The following TMEM87B variants were observed in gnomAD, a reference collection of about 807,000 sequenced individuals.
TMEM87B encodes the protein transmembrane protein 87B.
A neutral mutation model predicts 80.3 loss-of-function variants in TMEM87B; 83 were observed. The ratio of observed to expected loss-of-function variants is 1.03; its 90% CI spans 0.87 to 1.24. The LOEUF is 1.24. Among genes scored for constraint, TMEM87B ranks in the 50% most tolerant of loss-of-function variants. The pLI is 0.00. For missense variants in TMEM87B, 625 were observed against 674.4 expected (o/e 0.93, Z 0.81); for synonymous variants, 219 against 230.5 (o/e 0.95, Z 0.45).
At chr2:112,098,769 T>C in intron 14 of TMEM87B, 71 bp downstream of exon 14, 1 of 1,428,274 alleles carries the variant, frequency 7.0e-7, no homozygotes, top group South Asian at 1.2e-5. Flanking sequence ...AGAACACGTT[T>C]ATAGAAACCA....
At chr2:112,057,315 C>G (rs150430287) in intron 1 of TMEM87B, among the ~76,000 whole-genome samples, 2 of 152,204 alleles carry the variant, frequency 1.3e-5, no homozygotes, top group Non-Finnish European at 2.9e-5. Flanking sequence ...GTTCTGTTAC[C>G]TAGGCTGGAG....
intron 17 of TMEM87B, among the ~76,000 whole-genome samples, chr2:112,110,881 G>A (rs577754816): frequency 4.6e-5 from 7 of 152,234 alleles, no homozygotes; most frequent in South Asian, 4.1e-4. Flanking sequence ...AGCCCCTTCC[G>A]TGTAGCAGGT....
At chr2:112,095,645 A>G (rs1191347481) in intron 11 of TMEM87B, among the ~76,000 whole-genome samples, 1 of 152,178 alleles carries the variant, frequency 6.6e-6, no homozygotes, top group Non-Finnish European at 1.5e-5. Context: ...GTATTGCTTT[A>G]GAAATTGATC....
chr2:112,065,240 A>C (rs1678383090), intron 3 of TMEM87B, among the ~76,000 whole-genome samples: 3 of 152,176 alleles, frequency 2.0e-5, no homozygotes, highest in African/African-American at 7.2e-5. Flanking sequence ...CCTTCACACT[A>C]AATACTTCAA....
rs975078233 is a variant in TMEM87B at position 112,095,543 on chromosome 2, A to G, written c.1105-1501A>G. 3 of 822,242 alleles carry G rather than the reference A, an allele frequency of 3.6e-6. No homozygotes were observed. The African/African-American group carries it at 5.6e-5, about 15-fold the overall frequency. The allele number at this position is 822,242 out of a possible 1,614,324, so 50.9% of individuals were successfully genotyped here. A position where few individuals can be genotyped will look rare whatever the true frequency, so the allele number is the denominator to read the frequency against. On this transcript the variant is annotated intron_variant, in intron 11 of 18. Coordinates refer to ENST00000283206, the MANE Select transcript of TMEM87B (RefSeq NM_032824.3). ...AATCCTAGAAATTTGGTTTTAGTCA[A>G]GAATTGTTAAAAGTATATGTTTTGA... is the stretch of plus-strand genomic sequence containing the variant.
intron 9 of TMEM87B, among the ~76,000 whole-genome samples, chr2:112,088,777 G>A (rs1328765482): frequency 2.6e-5 from 4 of 151,140 alleles, no homozygotes; most frequent in South Asian, 4.2e-4. Flanking sequence ...TTGTTTTTTT[G>A]GAGACAAAAG....
Position 112,098,854 on chromosome 2 carries a change from AAAG to A in TMEM87B, c.1376+158_1376+160del, listed in dbSNP as rs1679548383. 2.6e-5 allele frequency among the ~76,000 whole-genome samples: 4 copies of A among 152,302 alleles called. No individual in the cohort carries two copies. The South Asian group carries it at 8.3e-4, about 32-fold the overall frequency. On this transcript the variant is annotated intron_variant, in intron 14 of 18. Coordinates refer to ENST00000283206, the MANE Select transcript of TMEM87B (RefSeq NM_032824.3). ...GCAAAACAAATGCAAGACAGTGAAA[AAAG>A]AGATGTATAGACTAGTCCAGGGGAA...
Position 112,081,316 on chromosome 2 carries a change from A to G in TMEM87B, c.655-19A>G. Reference sequence around the variant, plus strand: ...TGACCAAAAGGCTTAACTGACTAAAATTGCTTCTCTTCCTACAGTTTTACA... The same window carrying G: ...TGACCAAAAGGCTTAACTGACTAAAGTTGCTTCTCTTCCTACAGTTTTACA... On this transcript the variant is annotated intron_variant, in intron 7 of 18. Transcript: ENST00000283206. 2 of 1,579,014 alleles carry G rather than the reference A, an allele frequency of 1.3e-6. No homozygotes were observed. The highest frequency in any genetic ancestry group is 1.7e-6 in the Non-Finnish European group (2 of 1,165,172).
chr2:112,089,454 C>T lies in TMEM87B; in HGVS notation c.939-171C>T, dbSNP rs141476884. On this transcript the variant is annotated intron_variant, in intron 9 of 18. Coordinates refer to ENST00000283206, the MANE Select transcript of TMEM87B (RefSeq NM_032824.3). ...AGCTTCAGGTCCTAGAGAAAGAGAC[C>T]CTTTGTTCCTGGGCCTGTTTCCTAA... Among the ~76,000 whole-genome samples the T allele has an allele frequency of 2.8e-4, 43 of 152,294 alleles. No individual in the cohort carries two copies. In the East Asian group the frequency reaches 8.3e-3, roughly 29 times the overall value.
chr2:112,113,243 T>A (rs1299294099), intron 18 of TMEM87B, among the ~76,000 whole-genome samples: 3 of 152,218 alleles, frequency 2.0e-5, no homozygotes, highest in African/African-American at 7.2e-5. Flanking sequence ...TGCTGAGATA[T>A]TAAAGTTTCA....
At chr2:112,085,326 G>A (rs536821623) in intron 8 of TMEM87B, among the ~76,000 whole-genome samples, 5 of 152,278 alleles carry the variant, frequency 3.3e-5, no homozygotes, top group South Asian at 2.1e-4. Flanking sequence ...GCCTTTGCAC[G>A]TGCCGTGTTC....
At chr2:112,107,896 G>T in intron 17 of TMEM87B, 56 bp downstream of exon 17, 3 of 1,237,978 alleles carry the variant, frequency 2.4e-6, no homozygotes, top group South Asian at 1.4e-5. Flanking sequence ...GTTTAAAAGG[G>T]ATCGTTCTCA....
chr2:112,087,609 G>C (rs907835187), intron 9 of TMEM87B, among the ~76,000 whole-genome samples: 9 of 152,088 alleles, frequency 5.9e-5, no homozygotes, highest in African/African-American at 1.9e-4. Context: ...CTGTCCTAGT[G>C]CTCGGTTTTG....
chr2:112,080,949 C>A, intron 6 of TMEM87B, 108 bp from the exon 7 acceptor site: 1 of 907,818 alleles, frequency 1.1e-6, no homozygotes, highest in Non-Finnish European at 1.7e-6. Flanking sequence ...CATACAAATT[C>A]AGCATTTGTT....
intron 11 of TMEM87B, chr2:112,095,141 G>C (rs4241120): frequency 1.3e-6 from 1 of 796,194 alleles, no homozygotes; most frequent in East Asian, 1.8e-4. Flanking sequence ...TTTCTCTTTC[G>C]TTTCTCTTTT....
chr2:112,065,964 A>T (rs140524493), intron 3 of TMEM87B, among the ~76,000 whole-genome samples: 3 of 152,142 alleles, frequency 2.0e-5, no homozygotes, highest in African/African-American at 7.2e-5. Flanking sequence ...CAGAATACTG[A>T]TTTGTCTCAT....
At chr2:112,086,432 C>T (rs1679147058) in intron 9 of TMEM87B, among the ~76,000 whole-genome samples, 1 of 152,122 alleles carries the variant, frequency 6.6e-6, no homozygotes, top group Non-Finnish European at 1.5e-5. Context: ...TTTTATGGTC[C>T]TATCTGAGTG....
At chr2:112,102,957 A>G (rs758906193) in intron 15 of TMEM87B, among the ~76,000 whole-genome samples, 3 of 152,190 alleles carry the variant, frequency 2.0e-5, no homozygotes, top group Non-Finnish European at 4.4e-5. Flanking sequence ...TAGTGCAGAG[A>G]AGCAAAACAA....
chr2:112,113,264 C>A (rs1679970428), intron 18 of TMEM87B, among the ~76,000 whole-genome samples: 1 of 152,158 alleles, frequency 6.6e-6, no homozygotes, highest in Non-Finnish European at 1.5e-5. Flanking sequence ...ATCTCATTTT[C>A]ATTTACTAAG....
Sources: allele counts gnomAD v4.1 joint callset (sites outside exome capture counted in the v4.1 genomes callset), GRCh38; gene constraint gnomAD v4.1.1; transcripts MANE v1.5; gene names NCBI Gene and HGNC (gene_info 2026-07-23, HGNC 2026-07-21).